VCAN: variants seen among roughly 807,000 people sequenced by gnomAD.
The protein encoded by VCAN is versican, also known as versican core protein.
Under a neutral mutation model 245.5 loss-of-function variants are expected in VCAN, and 44 were observed. The observed-to-expected ratio is 0.18, with a 90% CI of 0.14 to 0.23. The LOEUF (loss-of-function observed/expected upper bound fraction) is 0.23. Among genes scored for constraint, VCAN ranks in the 10% least tolerant of loss-of-function variants. The pLI is 1.00. For missense variants in VCAN, 3,793 were observed against 4,057.9 expected, an observed-to-expected ratio of 0.93 and a Z score of 1.77; for synonymous variants, 1,413 against 1,437.0, an observed-to-expected ratio of 0.98 and a Z score of 0.38.
Position 83,572,500 on chromosome 5 carries a change from G to A in VCAN, c.9820G>A (p.Gly3274Ser), listed in dbSNP as rs1266885569. ...TGTTGTAATCATTTGGCATGAGAAT[G>A]GCCAGTGGAATGATGTTCCCTGCAA... ...DCVVIIWHEN[G>S]QWNDVPCNYH... Residue 3274 changes from glycine (G) to serine (S), a missense_variant, in exon 13 of 15, where the codon GGC (glycine) becomes AGC (serine). This residue lies in a region of VCAN where 205 missense variants were observed against 321.1 expected (regional missense o/e 0.64). Transcript: ENST00000265077. The A allele has an allele frequency of 6.2e-7, 1 of 1,613,894 alleles. No individual in the cohort carries two copies. Among genetic ancestry groups the A allele is most frequent in the Admixed American group, 1.7e-5 (1 of 59,996 alleles).
At chr5:83,478,044 G>A (rs1378977538) in intron 1 of VCAN, among the ~76,000 whole-genome samples, 1 of 151,002 alleles carries the variant, frequency 6.6e-6, no homozygotes, top group Admixed American at 6.6e-5. Context: ...CCAGGTTCAA[G>A]CAATTCTCCT....
At chr5:83,549,078 TC>T (rs1747353302) in intron 10 of VCAN, among the ~76,000 whole-genome samples, 1 of 152,220 alleles carries the variant, frequency 6.6e-6, no homozygotes, top group African/African-American at 2.4e-5. Context: ...AAGATCCTCT[TC>T]TTAAAGTAAA....
intron 2 of VCAN, among the ~76,000 whole-genome samples, chr5:83,489,427 G>A (rs140799990): frequency 3.9e-5 from 6 of 152,228 alleles, no homozygotes; most frequent in Admixed American, 3.3e-4. Flanking sequence ...ATTTTAGGAC[G>A]GTTAGGTGAA....
chr5:83,539,500 A>T lies in VCAN; in HGVS notation c.6497A>T (p.Asp2166Val). 6.2e-7 allele frequency: 1 copy of T among 1,613,998 alleles called. No individual in the cohort carries two copies. Among genetic ancestry groups the T allele is most frequent in the Non-Finnish European group, 8.5e-7 (1 of 1,179,994 alleles). Residue 2166 changes from aspartate to valine, a missense_variant, in exon 8 of 15, where the codon GAT becomes GTT. Transcript: ENST00000265077. ...SVLTTKKTYS[D>V]DKEMKEEDTS... ...CTAACAACAAAGAAAACTTACAGTG[A>T]TGATAAAGAAATGAAGGAGGAAGAC...
rs928296281 is a variant in VCAN at position 83,518,449 on chromosome 5, A to G, written c.1043-900A>G. 3.3e-5 allele frequency among the ~76,000 whole-genome samples: 5 copies of G among 152,186 alleles called. No individual in the cohort carries two copies. The East Asian group carries it at 7.7e-4, about 23-fold the overall frequency. On this transcript the variant is annotated intron_variant, in intron 6 of 14. Transcript: ENST00000265077. ...CCTGAGCCTGTTCTTTCTGATGCTT[A>G]GGGTTGTTCCCAGTGATTTGTAATT... is the stretch of plus-strand genomic sequence containing the variant.
At position 83,541,010 on chromosome 5, in the gene VCAN, C is replaced by T. The variant is rs1746958785; in HGVS notation, c.8007C>T (p.His2669=). 6.2e-7 allele frequency: 1 copy of T among 1,614,108 alleles called. No homozygotes were observed. Among genetic ancestry groups the T allele is most frequent in the African/African-American group, 1.3e-5 (1 of 75,036 alleles). Residue 2669 remains histidine, a synonymous_variant, in exon 8 of 15, where the codon CAC becomes CAT. Transcript: ENST00000265077. ...GCCAACTAGATCACATGGGCTTTCA[C>T]TTCACAACTGGGATCCCTGCTCCTA... is the stretch of plus-strand genomic sequence containing the variant. ...DRSQLDHMGF[H]FTTGIPAPST...
At chr5:83,472,570 G>C (rs982535050) in intron 1 of VCAN, among the ~76,000 whole-genome samples, 7 of 152,150 alleles carry the variant, frequency 4.6e-5, no homozygotes, top group African/African-American at 1.4e-4. Flanking sequence ...CTGACAGTGC[G>C]ACCCGGCGCC....
intron 2 of VCAN, among the ~76,000 whole-genome samples, chr5:83,487,313 T>A (rs1298779566): frequency 2.0e-5 from 3 of 152,214 alleles, no homozygotes; most frequent in Non-Finnish European, 2.9e-5. Context: ...CTCTAAGGAA[T>A]CTGCTGACAG....
At chr5:83,563,806 A>C (rs1374339497) in intron 12 of VCAN, among the ~76,000 whole-genome samples, 1 of 152,094 alleles carries the variant, frequency 6.6e-6, no homozygotes, top group East Asian at 1.9e-4. Flanking sequence ...AATCTAGATA[A>C]ATTTTTACGG....
chr5:83,546,039 A>G (rs1013436965), intron 9 of VCAN, among the ~76,000 whole-genome samples: 2 of 152,200 alleles, frequency 1.3e-5, no homozygotes, highest in East Asian at 1.9e-4. Context: ...AATAAAAGTT[A>G]GAGAGCTTTG....
chr5:83,572,217 G>A (rs1034287664), intron 12 of VCAN, among the ~76,000 whole-genome samples, 199 bp from the exon 13 acceptor site: 4 of 152,026 alleles, frequency 2.6e-5, no homozygotes, highest in African/African-American at 7.2e-5. Flanking sequence ...GTAGACATTC[G>A]TTCAATAAAG....
chr5:83,525,350 G>A (rs143556559), intron 7 of VCAN, among the ~76,000 whole-genome samples: 34 of 152,172 alleles, frequency 2.2e-4, no homozygotes, highest in Middle Eastern at 6.8e-3. Flanking sequence ...TTGTGAACAT[G>A]CATGAAGGCC....
At chr5:83,578,601 CCT>C (rs1748559971) in intron 13 of VCAN, among the ~76,000 whole-genome samples, 1 of 151,990 alleles carries the variant, frequency 6.6e-6, no homozygotes, top group African/African-American at 2.4e-5. Flanking sequence ...TGTAAACAGT[CCT>C]CTGAATATGT....
chr5:83,578,952 T>C (rs1314600271), intron 13 of VCAN, among the ~76,000 whole-genome samples: 1 of 152,180 alleles, frequency 6.6e-6, no homozygotes, highest in Non-Finnish European at 1.5e-5. Flanking sequence ...TCCAAGCTTT[T>C]GGATTTTTTT....
chr5:83,489,368 A>G (rs1157643977), intron 2 of VCAN, among the ~76,000 whole-genome samples: 2 of 152,212 alleles, frequency 1.3e-5, no homozygotes, highest in African/African-American at 2.4e-5. Context: ...TATATTCTTT[A>G]TCATTAAAAG....
intron 1 of VCAN, among the ~76,000 whole-genome samples, chr5:83,475,037 T>G (rs908931405): frequency 1.3e-5 from 2 of 152,122 alleles, no homozygotes; most frequent in Admixed American, 1.3e-4. Context: ...TAAAGCCCAT[T>G]CTTAGTCAAT....
intron 5 of VCAN, among the ~76,000 whole-genome samples, chr5:83,503,258 T>C (rs1745386278): frequency 6.6e-6 from 1 of 152,096 alleles, no homozygotes; most frequent in Non-Finnish European, 1.5e-5. Context: ...AAAGAAAGTG[T>C]TGAAAAAGCT....
At chr5:83,552,274 T>C (rs1747499524) in intron 10 of VCAN, among the ~76,000 whole-genome samples, 1 of 152,148 alleles carries the variant, frequency 6.6e-6, no homozygotes, top group African/African-American at 2.4e-5. Flanking sequence ...TTTAATTTAG[T>C]AGGGTTGTGT....
chr5:83,510,762 AT>A (rs1339770070), intron 5 of VCAN, among the ~76,000 whole-genome samples: 1 of 152,242 alleles, frequency 6.6e-6, no homozygotes, highest in East Asian at 1.9e-4. Context: ...TTAAATGATA[AT>A]GAATATACCC....
Sources: gnomAD v4.1 joint callset for allele counts (sites outside exome capture counted in the v4.1 genomes callset) on GRCh38, gnomAD v4.1.1 for gene constraint, gnomAD v4.1.1 regional missense constraint, MANE v1.5 for transcripts, NCBI Gene and HGNC (gene_info 2026-07-23, HGNC 2026-07-21) for gene names.